The following ADAMTS19 variants were observed in gnomAD, a reference collection of about 807,000 sequenced individuals.
ADAMTS19 encodes the protein A disintegrin and metalloproteinase with thrombospondin motifs 19.
In ADAMTS19, 93 loss-of-function variants were observed where a neutral mutation model predicts 153.3. The ratio of observed to expected loss-of-function variants is 0.61; its 90% CI spans 0.51 to 0.72. ADAMTS19 has a LOEUF of 0.72. Among genes scored for constraint, ADAMTS19 ranks in the 30% least tolerant of loss-of-function variants. The pLI, the probability that ADAMTS19 is intolerant of heterozygous loss-of-function variation, is 0.00. For missense variants in ADAMTS19, 1,482 were observed against 1,552.1 expected (o/e 0.95, Z 0.76); for synonymous variants, 600 against 556.6 (o/e 1.08, Z -1.10).
intron 7 of ADAMTS19, among the ~76,000 whole-genome samples, chr5:129,594,932 C>G (rs897661047): frequency 6.6e-6 from 1 of 152,012 alleles, no homozygotes; most frequent in Non-Finnish European, 1.5e-5. Flanking sequence ...GTCTATTCAT[C>G]CATCCGTCCA....
intron 2 of ADAMTS19, among the ~76,000 whole-genome samples, chr5:129,470,339 A>G (rs1273961073): frequency 2.0e-5 from 3 of 152,218 alleles, no homozygotes; most frequent in African/African-American, 7.2e-5. Context: ...TATTTGCAAA[A>G]TGAAGAAGAA....
At chr5:129,510,865 A>G (rs1249388640) in intron 3 of ADAMTS19, among the ~76,000 whole-genome samples, 1 of 150,398 alleles carries the variant, frequency 6.6e-6, no homozygotes, top group Non-Finnish European at 1.5e-5. Context: ...AGATATATAT[A>G]TATATATATA....
intron 6 of ADAMTS19, among the ~76,000 whole-genome samples, chr5:129,547,080 T>C (rs1296265903): frequency 1.3e-5 from 2 of 150,800 alleles, no homozygotes; most frequent in Non-Finnish European, 2.9e-5. Flanking sequence ...TGTTATCCCA[T>C]ATGGAAGAAA....
intron 15 of ADAMTS19, among the ~76,000 whole-genome samples, chr5:129,664,644 T>G (rs988848228): frequency 6.6e-6 from 1 of 152,090 alleles, no homozygotes; most frequent in Non-Finnish European, 1.5e-5. Context: ...TTAGCTCTTG[T>G]GCCTTTTCTA....
intron 2 of ADAMTS19, among the ~76,000 whole-genome samples, chr5:129,485,242 A>G (rs980580674): frequency 1.3e-5 from 2 of 152,148 alleles, no homozygotes; most frequent in African/African-American, 4.8e-5. Context: ...ACAATGCGCT[A>G]CTAAATAACA....
chr5:129,571,555 T>C (rs1407375277), intron 7 of ADAMTS19, among the ~76,000 whole-genome samples: 1 of 151,588 alleles, frequency 6.6e-6, no homozygotes, highest in Admixed American at 6.6e-5. Flanking sequence ...AGAAATACCA[T>C]GTTTATGGAG....
intron 21 of ADAMTS19, among the ~76,000 whole-genome samples, chr5:129,720,174 ATT>A (rs1177323633): frequency 4.4e-5 from 5 of 113,328 alleles, no homozygotes; most frequent in Non-Finnish European, 5.1e-5. Context: ...ATATATATTT[ATT>A]TTTTTTTTTT....
intron 2 of ADAMTS19, among the ~76,000 whole-genome samples, chr5:129,494,191 G>T (rs1402529335): frequency 6.6e-6 from 1 of 152,068 alleles, no homozygotes; most frequent in African/African-American, 2.4e-5. Flanking sequence ...TATAAACAGA[G>T]AAATATCTAT....
chr5:129,532,423 A>T (rs1269991833), intron 6 of ADAMTS19, among the ~76,000 whole-genome samples: 1 of 152,164 alleles, frequency 6.6e-6, no homozygotes, highest in East Asian at 1.9e-4. Flanking sequence ...CCCACTTGAA[A>T]GGCTTCAGTT....
At chr5:129,486,292 A>G (rs1046456724) in intron 2 of ADAMTS19, among the ~76,000 whole-genome samples, 2 of 152,178 alleles carry the variant, frequency 1.3e-5, no homozygotes, top group African/African-American at 4.8e-5. Flanking sequence ...TATAAGAAAA[A>G]TCTACATTAT....
At chr5:129,647,214 G>GAAAAAAAAAAAA (rs34958335) in intron 11 of ADAMTS19, among the ~76,000 whole-genome samples, 1 of 102,312 alleles carries the variant, frequency 9.8e-6, no homozygotes, top group Admixed American at 9.8e-5. Context: ...AATTCTTTCA[G>GAAAAAAAAAAAA]AAAAAAAAAA....
chr5:129,574,652 T>A (rs1302492499), intron 7 of ADAMTS19, among the ~76,000 whole-genome samples: 1 of 152,092 alleles, frequency 6.6e-6, no homozygotes, highest in Non-Finnish European at 1.5e-5. Context: ...TTTTTAAAAA[T>A]AAAACATCTT....
intron 7 of ADAMTS19, among the ~76,000 whole-genome samples, chr5:129,554,001 T>C (rs1305191763): frequency 6.6e-6 from 1 of 152,020 alleles, no homozygotes; most frequent in Non-Finnish European, 1.5e-5. Flanking sequence ...AAAATGCAAA[T>C]TAAAAGTAAT....
intron 6 of ADAMTS19, among the ~76,000 whole-genome samples, chr5:129,548,499 T>C (rs943739989): frequency 6.6e-5 from 10 of 152,144 alleles, no homozygotes; most frequent in Non-Finnish European, 4.4e-5. Context: ...CCAGTTAGAA[T>C]GGCAATCATT....
At chr5:129,592,377 CAAAAAA>C (rs1169388973) in intron 7 of ADAMTS19, among the ~76,000 whole-genome samples, 44 of 79,572 alleles carry the variant, frequency 5.5e-4, no homozygotes, top group South Asian at 5.3e-3. Context: ...GTCTCCGTTT[CAAAAAA>C]AAAAAAAAAA....
Position 129,647,839 on chromosome 5 carries a change from T to G in ADAMTS19, c.1947T>G (p.Ser649Arg). 6.2e-7 allele frequency: 1 copy of G among 1,613,764 alleles called. No homozygotes were observed. Among genetic ancestry groups the G allele is most frequent in the Non-Finnish European group, 8.5e-7 (1 of 1,179,906 alleles). Reference protein sequence around the residue: ...EHLAGEWSLWSPCSRTCSAGI... With the variant: ...EHLAGEWSLWRPCSRTCSAGI... Reference sequence around the variant, plus strand: ...TGGCCGGAGAGTGGAGCCTGTGGAGTCCTTGTAGCCGAACCTGCAGTGCTG... The same window carrying G: ...TGGCCGGAGAGTGGAGCCTGTGGAGGCCTTGTAGCCGAACCTGCAGTGCTG... The change falls in exon 12 of 23, where the codon AGT (serine) becomes AGG (arginine). Residue 649 changes from serine (S) to arginine (R), a missense_variant. Physicochemically the swap from Ser to Arg is moderately radical, Grantham distance 110. This residue lies in a region of ADAMTS19 where 616 missense variants were observed against 724.4 expected (regional missense o/e 0.85). Coordinates refer to ENST00000274487, the MANE Select transcript of ADAMTS19 (RefSeq NM_133638.6).
At chr5:129,560,451 C>T (rs906924831) in intron 7 of ADAMTS19, among the ~76,000 whole-genome samples, 5 of 152,116 alleles carry the variant, frequency 3.3e-5, no homozygotes, top group Non-Finnish European at 4.4e-5. Context: ...TGTCCCAGTG[C>T]GATGGCTAAG....
chr5:129,570,686 G>A (rs1042665468), intron 7 of ADAMTS19, among the ~76,000 whole-genome samples: 1 of 151,634 alleles, frequency 6.6e-6, no homozygotes, highest in South Asian at 2.1e-4. Context: ...ACAAGTATTA[G>A]CAAATTGAAT....
intron 6 of ADAMTS19, among the ~76,000 whole-genome samples, chr5:129,529,266 C>G (rs915771600): frequency 6.6e-6 from 1 of 151,980 alleles, no homozygotes; most frequent in Non-Finnish European, 1.5e-5. Flanking sequence ...TTGCTTAAAG[C>G]TGGTAAAAAT....
Sources: gnomAD v4.1 joint callset for allele counts (sites outside exome capture counted in the v4.1 genomes callset) on GRCh38, gnomAD v4.1.1 for gene constraint, gnomAD v4.1.1 regional missense constraint, MANE v1.5 for transcripts, NCBI Gene and HGNC (gene_info 2026-07-23, HGNC 2026-07-21) for gene names.